PKIB: variants seen among roughly 807,000 people sequenced by gnomAD.
The protein encoded by PKIB is cAMP-dependent protein kinase inhibitor beta.
Under a neutral mutation model 4.5 loss-of-function variants are expected in PKIB, and 2 were observed. The observed-to-expected ratio is 0.44, with a 90% CI of 0.18 to 1.39. The LOEUF is 1.39. Among genes scored for constraint, PKIB ranks in the 40% most tolerant of loss-of-function variants. The probability of loss-of-function intolerance (pLI) is 0.27; values close to 1 mark genes in which losing one functional copy is unlikely to be tolerated. For synonymous variants in PKIB, 38 were observed against 36.0 expected (o/e 1.06, Z -0.20); for missense variants, 94 against 92.6 (o/e 1.02, Z -0.06).
intron 2 of PKIB, among the ~76,000 whole-genome samples, chr6:122,533,092 C>T (rs1018219191): frequency 6.6e-6 from 1 of 152,006 alleles, no homozygotes; most frequent in Non-Finnish European, 1.5e-5. Context: ...AATATATGAT[C>T]TCCTGCAGGC....
chr6:122,680,955 G>A (rs1247949448), intron 3 of PKIB, among the ~76,000 whole-genome samples: 3 of 152,080 alleles, frequency 2.0e-5, no homozygotes, highest in Non-Finnish European at 2.9e-5. Flanking sequence ...CTAACTGACC[G>A]ACTTCATCTT....
chr6:122,530,899 A>G (rs1192879617), intron 2 of PKIB, among the ~76,000 whole-genome samples: 1 of 152,168 alleles, frequency 6.6e-6, no homozygotes, highest in South Asian at 2.1e-4. Flanking sequence ...AATGCTGCAA[A>G]TTTCCTTACT....
chr6:122,473,292 A>T (rs547044332), intron 1 of PKIB, among the ~76,000 whole-genome samples: 1 of 152,348 alleles, frequency 6.6e-6, no homozygotes, highest in African/African-American at 2.4e-5. Flanking sequence ...CGTAAAGAAT[A>T]TGTTTATTAG....
chr6:122,717,805 A>G lies in PKIB; in HGVS notation c.11A>G (p.Asp4Gly). ...TTTGTAGATGTTGCTATGAGGACAG[A>G]TTCATCAAAAATGACTGACGTGGAG... MRT[D>G]SSKMTDVESG... The change falls in exon 4 of 5, where the codon GAT becomes GGT. Residue 4 changes from aspartate to glycine, a missense_variant. Physicochemically the swap from Asp to Gly is moderately conservative, Grantham distance 94 (BLOSUM62 -1). Coordinates refer to ENST00000368452, the MANE Select transcript of PKIB (RefSeq NM_181795.3). 1.2e-6 allele frequency: 2 copies of G among 1,614,076 alleles called. No individual in the cohort carries two copies. The highest frequency in any genetic ancestry group is 1.7e-6 in the Non-Finnish European group (2 of 1,179,980).
intron 3 of PKIB, among the ~76,000 whole-genome samples, chr6:122,714,650 T>A (rs1779405977): frequency 6.6e-6 from 1 of 152,148 alleles, no homozygotes; most frequent in African/African-American, 2.4e-5. Context: ...AGTTCTTTTT[T>A]AACAACAGAC....
chr6:122,593,381 TG>T (rs1226782474), intron 3 of PKIB, among the ~76,000 whole-genome samples: 4 of 152,194 alleles, frequency 2.6e-5, no homozygotes, highest in Non-Finnish European at 5.9e-5. Flanking sequence ...AAATATTTAG[TG>T]GGGAAATGGA....
At chr6:122,600,303 T>C (rs1291155400) in intron 3 of PKIB, among the ~76,000 whole-genome samples, 1 of 152,140 alleles carries the variant, frequency 6.6e-6, no homozygotes, top group Non-Finnish European at 1.5e-5. Context: ...AGATTAAGGG[T>C]GGATCTGCCT....
chr6:122,489,206 TA>T (rs1775866208), intron 2 of PKIB, among the ~76,000 whole-genome samples: 1 of 145,358 alleles, frequency 6.9e-6, no homozygotes, highest in Non-Finnish European at 1.5e-5. Context: ...AAGAGACTTT[TA>T]AAAATAGTAT....
intron 2 of PKIB, among the ~76,000 whole-genome samples, chr6:122,651,301 G>T (rs1392892910): frequency 1.3e-5 from 2 of 152,102 alleles, no homozygotes. Flanking sequence ...CATGCAATTC[G>T]TTTGGTATGT....
chr6:122,544,651 C>G (rs191072406), intron 2 of PKIB, among the ~76,000 whole-genome samples: 21 of 152,052 alleles, frequency 1.4e-4, no homozygotes, highest in African/African-American at 5.1e-4. Flanking sequence ...TCTGAATGGA[C>G]TACCAGCTTC....
intron 3 of PKIB, among the ~76,000 whole-genome samples, chr6:122,696,083 T>C (rs1190939690): frequency 6.6e-6 from 1 of 152,214 alleles, no homozygotes; most frequent in Non-Finnish European, 1.5e-5. Flanking sequence ...CACTGAGGGA[T>C]GATGCACTTA....
At chr6:122,583,767 T>C (rs1391792753) in intron 2 of PKIB, among the ~76,000 whole-genome samples, 2 of 152,182 alleles carry the variant, frequency 1.3e-5, no homozygotes, top group Non-Finnish European at 2.9e-5. Context: ...TCATTTTCAT[T>C]GACTTAAAAT....
intron 2 of PKIB, among the ~76,000 whole-genome samples, chr6:122,573,537 A>AG (rs1773435411): frequency 6.8e-6 from 1 of 147,966 alleles, no homozygotes. Context: ...AAAAAAAAAA[A>AG]GAAAAAGAAA....
intron 3 of PKIB, among the ~76,000 whole-genome samples, chr6:122,677,560 T>A (rs1050165400): frequency 2.0e-5 from 3 of 152,192 alleles, no homozygotes; most frequent in African/African-American, 7.2e-5. Context: ...ATTGACTGTC[T>A]TCTCACCCTT....
chr6:122,508,413 T>C (rs1776483476), intron 2 of PKIB, among the ~76,000 whole-genome samples: 1 of 152,200 alleles, frequency 6.6e-6, no homozygotes, highest in Non-Finnish European at 1.5e-5. Context: ...TTGTACAATG[T>C]CCTTGGCCTG....
intron 2 of PKIB, among the ~76,000 whole-genome samples, chr6:122,576,689 A>AAAAAAAAAAAAAAT (rs1345822382): frequency 5.8e-5 from 2 of 34,314 alleles, no homozygotes; most frequent in African/African-American, 2.6e-4. Context: ...AAAAAAAAAA[A>AAAAAAAAAAAAAAT]ATATATATAT....
At chr6:122,579,526 A>G (rs1418922035) in intron 2 of PKIB, among the ~76,000 whole-genome samples, 1 of 152,232 alleles carries the variant, frequency 6.6e-6, no homozygotes, top group African/African-American at 2.4e-5. Context: ...CCAGAGCAGG[A>G]ATTTGTATAT....
At position 122,553,476 on chromosome 6, in the gene PKIB, ATCTTC is replaced by A. The variant is rs1346762330; in HGVS notation, c.-247-32443_-247-32439del. On this transcript the variant is annotated intron_variant, in intron 2 of 6. Coordinates refer to the PKIB transcript ENST00000392491. ...ACTCATCTCTCAAGATTGCTCAAAT[ATCTTC>A]TTTTTTTTTTTTTTTTTTTTTTCTG... Among the ~76,000 whole-genome samples, 26 of 33,760 alleles carry A rather than the reference ATCTTC, an allele frequency of 7.7e-4. No individual in the cohort carries two copies. In the East Asian group the frequency reaches 0.025, roughly 33 times the overall value. 22.1% of individuals were successfully genotyped at this position (33,760 alleles called of 152,430 possible). A position where few individuals can be genotyped will look rare whatever the true frequency, so the allele number is the denominator to read the frequency against.
At chr6:122,514,193 T>A (rs1776673314) in intron 2 of PKIB, among the ~76,000 whole-genome samples, 1 of 152,232 alleles carries the variant, frequency 6.6e-6, no homozygotes, top group African/African-American at 2.4e-5. Context: ...CTTGCCTTTT[T>A]TTGGCTTTGG....
Sources: gnomAD v4.1 joint callset for allele counts (sites outside exome capture counted in the v4.1 genomes callset) on GRCh38, gnomAD v4.1.1 for gene constraint, MANE v1.5 for transcripts, NCBI Gene and HGNC (gene_info 2026-07-23, HGNC 2026-07-21) for gene names.